The following ZNF556 variants were observed in gnomAD, a reference collection of about 807,000 sequenced individuals.
ZNF556 encodes zinc finger protein 556.
ZNF556 carries 11 observed loss-of-function variants against 13.6 expected under a neutral mutation model. That is an observed-to-expected ratio of 0.81 (90% confidence interval 0.51 to 1.33). ZNF556 has a LOEUF of 1.33. Ranked by LOEUF, ZNF556 falls within the 40% of genes most tolerant of loss-of-function variation. The pLI, the probability that ZNF556 is intolerant of heterozygous loss-of-function variation, is 0.00. For synonymous variants in ZNF556, 229 were observed against 207.8 expected (o/e 1.10, Z -0.88); for missense variants, 633 against 566.2 (o/e 1.12, Z -1.20).
intron 3 of ZNF556, 32 bp downstream of exon 3, chr19:2,876,308 C>T (rs763322042): frequency 2.9e-5 from 45 of 1,535,508 alleles, no homozygotes; most frequent in Admixed American, 1.1e-4. Flanking sequence ...AAGGCAGTAT[C>T]GCCAGGCACG....
Position 2,882,530 on chromosome 19 carries a change from T to TCG in ZNF556, c.*4201_*4202insCG, listed in dbSNP as rs761280142. ...TATACATTTTATATATATATATATA[T>TCG]AGTGTGTGTGTGTGTGTGTGTGTGT... On this transcript the variant is annotated 3_prime_UTR_variant, in exon 4 of 4. Coordinates refer to ENST00000307635, the MANE Select transcript of ZNF556 (RefSeq NM_024967.3). 1.3e-5 allele frequency: 1 copy of TCG among 78,504 alleles called. No individual in the cohort carries two copies. The allele number at this position is 78,504 out of a possible 1,614,324, so 4.9% of individuals were successfully genotyped here.
At chr19:2,876,719 CAA>C (rs879272035) in intron 3 of ZNF556, among the ~76,000 whole-genome samples, 1 of 138,846 alleles carries the variant, frequency 7.2e-6, no homozygotes, top group African/African-American at 2.6e-5. Context: ...GACTCTATCT[CAA>C]AAAAAAAAAA....
chr19:2,877,279 T>A lies in ZNF556; in HGVS notation c.321T>A (p.Asn107Lys). Residue 107 changes from asparagine to lysine, a missense_variant, in exon 4 of 4, where the codon AAT becomes AAA. Asn to Lys is a moderately conservative substitution (Grantham distance 94, BLOSUM62 0). Coordinates refer to ENST00000307635, the MANE Select transcript of ZNF556 (RefSeq NM_024967.3). ...ATGTGCTACCCATTTTTAGCAGAAA[T>A]CCAAGGGTGGAGAGACCATGTAAAA... ...HNTKERHLSR[N>K]PRVERPCKSS... 6.2e-7 allele frequency: 1 copy of A among 1,600,450 alleles called. No homozygotes were observed. The highest frequency in any genetic ancestry group is 8.5e-7 in the Non-Finnish European group (1 of 1,173,154).
In ZNF556 at chr19:2,867,727, A is replaced by C. The variant is rs531567115; in HGVS notation, c.3+303A>C. On this transcript the variant is annotated intron_variant, in intron 1 of 3. Transcript: ENST00000307635. The stretch of plus-strand genomic sequence containing the variant: ...ACCCAAAGTACAAAAAACAAAACAA[A>C]AAAAAAAAAAACCTCACCCCAGCGA... Among the ~76,000 whole-genome samples, 31 of 149,050 alleles carry C rather than the reference A, an allele frequency of 2.1e-4. 2 individuals carry two copies. The highest frequency in any genetic ancestry group is 7.0e-4 in the African/African-American group (28 of 40,106).
Position 2,877,569 on chromosome 19 carries a change from C to T in ZNF556, c.611C>T (p.Ala204Val), listed in dbSNP as rs982784458. The stretch of plus-strand genomic sequence containing the variant: ...ACTCACAGTGGAGAGAAACCCTATG[C>T]CTGTCAATCTTGCGGGAAGACATTT... Reference protein sequence around the residue: ...EKTHSGEKPYACQSCGKTFLR... With the variant: ...EKTHSGEKPYVCQSCGKTFLR... Residue 204 changes from alanine (A) to valine (V), a missense_variant, in exon 4 of 4, where the codon GCC becomes GTC. Ala to Val is a moderately conservative substitution (Grantham distance 64, BLOSUM62 0). Coordinates refer to ENST00000307635, the MANE Select transcript of ZNF556 (RefSeq NM_024967.3). 1.2e-6 allele frequency: 2 copies of T among 1,613,972 alleles called. No individual in the cohort carries two copies. The highest frequency in any genetic ancestry group is 2.7e-5 in the African/African-American group (2 of 74,898).
In ZNF556 at chr19:2,880,297, T is replaced by G. The variant is rs567597212; in HGVS notation, c.*1968T>G. 6.6e-6 allele frequency: 1 copy of G among 152,360 alleles called. No homozygotes were observed. Among genetic ancestry groups the G allele is most frequent in the African/African-American group, 2.4e-5 (1 of 41,598 alleles). The allele number at this position is 152,360 out of a possible 1,614,324, so 9.4% of individuals were successfully genotyped here. On this transcript the variant is annotated 3_prime_UTR_variant, in exon 4 of 4. Coordinates refer to ENST00000307635, the MANE Select transcript of ZNF556 (RefSeq NM_024967.3). ...CTGAGAAATATCTATTTACTGTGTT[T>G]GTGTTTTTAAAGAAGTTGGATTCTA...
At chr19:2,872,394 A>G (rs1442748947) in intron 1 of ZNF556, among the ~76,000 whole-genome samples, 787 of 145,042 alleles carry the variant, frequency 5.4e-3, no homozygotes, top group Middle Eastern at 6.9e-3. Flanking sequence ...GTCTGGGCAT[A>G]ACAGAAGGCT....
At chr19:2,876,411 G>A in intron 3 of ZNF556, 135 bp downstream of exon 3, 2 of 855,874 alleles carry the variant, frequency 2.3e-6, no homozygotes, top group Non-Finnish European at 3.4e-6. Context: ...CCCATATGGT[G>A]AAACCTTGTC....
In ZNF556 at chr19:2,877,604, C is replaced by G. The variant is rs760475950; in HGVS notation, c.646C>G (p.His216Asp). Residue 216 changes from histidine (H) to aspartate (D), a missense_variant, in exon 4 of 4, where the codon CAC becomes GAC. Physicochemically the swap from His to Asp is moderately conservative, Grantham distance 81. Transcript: ENST00000307635. ...TTGCGGGAAGACATTTCTTCGTTCCCACTCTCTCACTGAACATGTAAGGAC... is the reference window on the plus strand; with the variant it reads ...TTGCGGGAAGACATTTCTTCGTTCCGACTCTCTCACTGAACATGTAAGGAC... ...QSCGKTFLRS[H>D]SLTEHVRTHT... 9 of 1,614,152 alleles carry G rather than the reference C, an allele frequency of 5.6e-6. No individual in the cohort carries two copies. In the South Asian group the frequency reaches 8.8e-5, roughly 16 times the overall value.
rs2087822396 is a variant in ZNF556, at chr19:2,873,504, G to T, written c.12G>T (p.Val4=). 2 of 1,614,066 alleles carry T rather than the reference G, an allele frequency of 1.2e-6. No homozygotes were observed. The highest frequency in any genetic ancestry group is 2.2e-5 in the South Asian group (2 of 91,080). The change falls in exon 2 of 4, where the codon GTG becomes GTT. Residue 4 remains valine, a synonymous_variant. Transcript: ENST00000307635. MDT[V]VFEDVVVDFT... The stretch of plus-strand genomic sequence containing the variant: ...TATGTGGTTTGTTTTAGGACACAGT[G>T]GTCTTTGAAGACGTGGTTGTGGATT...
chr19:2,867,624 G>T (rs959067733), intron 1 of ZNF556, among the ~76,000 whole-genome samples, 200 bp downstream of exon 1: 1 of 151,330 alleles, frequency 6.6e-6, no homozygotes, highest in Non-Finnish European at 1.5e-5. Flanking sequence ...TTGTCAGGAC[G>T]CTGGGATGGA....
chr19:2,871,811 C>T (rs981573310), intron 1 of ZNF556, among the ~76,000 whole-genome samples: 6 of 152,106 alleles, frequency 3.9e-5, no homozygotes, highest in African/African-American at 9.7e-5. Flanking sequence ...TCGCAGAGAC[C>T]GGTAGTGGCC....
Position 2,876,334 on chromosome 19 carries a change from A to T in ZNF556, c.314+58A>T. ...GCCAGGCACGGTGGCTCATGCCTGT[A>T]ATCCCAGCACTTCGGGAGGCCAAGG... On this transcript the variant is annotated intron_variant, in intron 3 of 3. Transcript: ENST00000307635. 3 of 1,497,178 alleles carry T rather than the reference A, an allele frequency of 2.0e-6. No individual in the cohort carries two copies. The South Asian group carries it at 4.1e-5, about 20-fold the overall frequency. 92.7% of individuals were successfully genotyped at this position (1,497,178 alleles called of 1,614,324 possible).
intron 1 of ZNF556, among the ~76,000 whole-genome samples, chr19:2,869,236 G>A (rs1444359944): frequency 2.0e-5 from 3 of 152,064 alleles, no homozygotes; most frequent in Non-Finnish European, 4.4e-5. Flanking sequence ...ACATATTACC[G>A]CCTACATCTC....
In ZNF556 at chr19:2,877,280, C is replaced by G. The variant is rs2087860351; in HGVS notation, c.322C>G (p.Pro108Ala). ...NTKERHLSRN[P>A]RVERPCKSSK... Reference sequence around the variant, plus strand: ...TGTGCTACCCATTTTTAGCAGAAATCCAAGGGTGGAGAGACCATGTAAAAG... The same window carrying G: ...TGTGCTACCCATTTTTAGCAGAAATGCAAGGGTGGAGAGACCATGTAAAAG... Residue 108 changes from proline (P) to alanine (A), a missense_variant, in exon 4 of 4, where the codon CCA (proline) becomes GCA (alanine). Transcript: ENST00000307635. 1 of 1,599,624 alleles carries G rather than the reference C, an allele frequency of 6.3e-7. No individual in the cohort carries two copies. Among genetic ancestry groups the G allele is most frequent in the Non-Finnish European group, 8.5e-7 (1 of 1,172,754 alleles).
chr19:2,877,797 T>C lies in ZNF556; in HGVS notation c.839T>C (p.Met280Thr). 6.2e-7 allele frequency: 1 copy of C among 1,614,108 alleles called. No individual in the cohort carries two copies. The highest frequency in any genetic ancestry group is 8.5e-7 in the Non-Finnish European group (1 of 1,180,026). Reference protein sequence around the residue: ...CQKSFRVHMIMHAGGRPYECK... With the variant: ...CQKSFRVHMITHAGGRPYECK... ...AAATCCTTTCGAGTCCATATGATCA[T>C]GCACGCCGGAGGGAGACCGTATGAG... Residue 280 changes from methionine to threonine, a missense_variant, in exon 4 of 4, where the codon ATG becomes ACG. Transcript: ENST00000307635.
At chr19:2,869,504 C>A (rs1308487375) in intron 1 of ZNF556, among the ~76,000 whole-genome samples, 1 of 152,086 alleles carries the variant, frequency 6.6e-6, no homozygotes, top group Non-Finnish European at 1.5e-5. Flanking sequence ...GTAGCTGGGA[C>A]TACAGGTGCC....
At position 2,876,265 on chromosome 19, in the gene ZNF556, G is replaced by C. The variant is rs1489848799; in HGVS notation, c.303G>C (p.Glu101Asp). The C allele has an allele frequency of 1.3e-6, 2 of 1,592,620 alleles. No homozygotes were observed. The highest frequency in any genetic ancestry group is 1.4e-5 in the African/African-American group (1 of 73,346). Residue 101 changes from glutamate (E) to aspartate (D), a missense_variant, in exon 3 of 4, where the codon GAG becomes GAC. Coordinates refer to ENST00000307635, the MANE Select transcript of ZNF556 (RefSeq NM_024967.3). ...TTAAAGACAAGCACAACACCAAGGA[G>C]AGACATTTGAGGTGAGTTGTACTTA... ...HSVKDKHNTKERHLSRNPRVE... is the reference protein window; with the variant it reads ...HSVKDKHNTKDRHLSRNPRVE...
At chr19:2,874,913 C>CTTTTT (rs1237157520) in intron 2 of ZNF556, 4 of 125,180 alleles carry the variant, frequency 3.2e-5, no homozygotes, top group African/African-American at 1.3e-4. Context: ...ACTGCTTGTA[C>CTTTTT]TTTTTTTTTT....
Sources: allele counts gnomAD v4.1 joint callset (sites outside exome capture counted in the v4.1 genomes callset), GRCh38; gene constraint gnomAD v4.1.1; transcripts MANE v1.5; gene names NCBI Gene and HGNC (gene_info 2026-07-23, HGNC 2026-07-21).